PCDH11X: variants seen among roughly 807,000 people sequenced by gnomAD.
The protein encoded by PCDH11X is protocadherin 11 X-linked, also known as protocadherin-11 X-linked.
A neutral mutation model predicts 53.3 loss-of-function variants in PCDH11X; 18 were observed. The observed-to-expected ratio is 0.34, with a 90% CI of 0.23 to 0.50. The LOEUF is 0.50. Ranked by LOEUF, PCDH11X falls within the 20% of genes least tolerant of loss-of-function variation. The pLI is 0.98. For missense variants in PCDH11X, 570 were observed against 1,032.4 expected, an observed-to-expected ratio of 0.55 and a Z score of 6.14; for synonymous variants, 279 against 393.3, an observed-to-expected ratio of 0.71 and a Z score of 3.44.
At chrX:92,264,954 T>G (rs1431189371) in intron 8 of PCDH11X, among the ~76,000 whole-genome samples, 1 of 97,316 alleles carries the variant, frequency 1.0e-5, no homozygotes, top group Non-Finnish European at 2.0e-5. Context: ...GAAGAAAGAA[T>G]ATTGCAATAG....
chrX:92,158,766 G>T (rs1484828211), intron 6 of PCDH11X, among the ~76,000 whole-genome samples: 3 of 110,208 alleles, frequency 2.7e-5, no homozygotes, highest in African/African-American at 9.9e-5. Context: ...CTCCCGAGTA[G>T]CTGAGGTTAC....
intron 1 of PCDH11X, chrX:91,798,202 A>C (rs1490364065): frequency 1.8e-5 from 2 of 111,389 alleles, no homozygotes; most frequent in East Asian, 5.7e-4. Context: ...TTTTTGGAGC[A>C]GGGAGATGGA....
chrX:92,275,557 C>T (rs2068067833), intron 8 of PCDH11X, among the ~76,000 whole-genome samples: 1 of 111,089 alleles, frequency 9.0e-6, no homozygotes, highest in Non-Finnish European at 1.9e-5. Flanking sequence ...GTTTGAGATC[C>T]AGAACAGAAT....
chrX:92,054,919 A>G (rs2063426729), intron 6 of PCDH11X, among the ~76,000 whole-genome samples: 1 of 99,020 alleles, frequency 1.0e-5, no homozygotes. Flanking sequence ...CACATGTGAC[A>G]ATCGTTGAAG....
chrX:92,600,861 A>T (rs1926147295), intron 10 of PCDH11X, among the ~76,000 whole-genome samples: 2 of 101,699 alleles, frequency 2.0e-5, no homozygotes, highest in African/African-American at 7.5e-5. Context: ...AGACCACGAG[A>T]ACCCACCTCT....
intron 9 of PCDH11X, chrX:92,460,822 A>T: frequency 9.1e-7 from 1 of 1,101,092 alleles, no homozygotes; most frequent in Non-Finnish European, 1.2e-6. Flanking sequence ...GAAGATGGCG[A>T]GGACTTCACT....
At chrX:92,085,928 A>C in intron 6 of PCDH11X, among the ~76,000 whole-genome samples, 1 of 112,053 alleles carries the variant, frequency 8.9e-6, no homozygotes, top group Non-Finnish European at 1.9e-5. Flanking sequence ...ATAAGTATAT[A>C]ATACATACCA....
intron 10 of PCDH11X, among the ~76,000 whole-genome samples, chrX:92,538,075 T>C: frequency 9.7e-6 from 1 of 102,730 alleles, no homozygotes; most frequent in Middle Eastern, 5.1e-3. Flanking sequence ...TATTTATAAT[T>C]GTTATGTCTT....
At chrX:92,389,601 C>T (rs2071081815) in intron 9 of PCDH11X, among the ~76,000 whole-genome samples, 1 of 110,941 alleles carries the variant, frequency 9.0e-6, no homozygotes. Context: ...AATAAAATTC[C>T]AACTGAATGA....
At chrX:92,020,368 G>T (rs926790150) in intron 6 of PCDH11X, among the ~76,000 whole-genome samples, 1 of 112,059 alleles carries the variant, frequency 8.9e-6, no homozygotes, top group Non-Finnish European at 1.9e-5. Context: ...AGCCAGGGAG[G>T]CTGGATGGCT....
In PCDH11X at chrX:91,835,800, G is replaced by T; in HGVS notation, c.296G>T (p.Gly99Val). Reference sequence around the variant, plus strand: ...ATTGATCGTGAGAAATTATGTGCTGGTATCCCAAGGGATGAGCATTGCTTT... The same window carrying T: ...ATTGATCGTGAGAAATTATGTGCTGTTATCCCAAGGGATGAGCATTGCTTT... ...ARIDREKLCA[G>V]IPRDEHCFYE... The change falls in exon 5 of 11, where the codon GGT becomes GTT. Residue 99 changes from glycine to valine, a missense_variant. By Grantham distance (109) the Gly-to-Val change is moderately radical. Transcript: ENST00000682573. 8.3e-7 allele frequency: 1 copy of T among 1,210,971 alleles called. No individual in the cohort carries two copies. Among genetic ancestry groups the T allele is most frequent in the Admixed American group, 2.2e-5 (1 of 45,864 alleles).
At chrX:91,834,277 T>C (rs1937217192) in intron 4 of PCDH11X, among the ~76,000 whole-genome samples, 1 of 111,501 alleles carries the variant, frequency 9.0e-6, no homozygotes, top group African/African-American at 3.2e-5. Context: ...AAACTGAAGA[T>C]AAAATTTGCA....
chrX:91,833,202 T>TCACTGCCC (rs1240394829), intron 4 of PCDH11X, among the ~76,000 whole-genome samples: 2 of 108,743 alleles, frequency 1.8e-5, no homozygotes, highest in East Asian at 5.7e-4. Context: ...ATTCCAATTG[T>TCACTGCCC]CACTGCCCCA....
rs190585123 is a variant in PCDH11X at position 92,599,704 on chromosome X, C to G, written c.3368-18560C>G. 1.6e-4 allele frequency among the ~76,000 whole-genome samples: 18 copies of G among 111,349 alleles called. No homozygotes were observed. The South Asian group carries it at 6.5e-3, about 40-fold the overall frequency. ...GGCGCTGTTATTATATTAAGATACC[C>G]GAAAATGTGGAAGTGACTTTGGAAC... On this transcript the variant is annotated intron_variant, in intron 10 of 10. Transcript: ENST00000682573.
chrX:92,238,227 A>G (rs2067204929), intron 7 of PCDH11X, among the ~76,000 whole-genome samples: 1 of 111,778 alleles, frequency 8.9e-6, no homozygotes, highest in African/African-American at 3.2e-5. Context: ...TGGGGATTAT[A>G]AGACTAAAAT....
At chrX:91,897,398 G>A (rs1215915849) in intron 6 of PCDH11X, among the ~76,000 whole-genome samples, 11 of 106,659 alleles carry the variant, frequency 1.0e-4, no homozygotes, top group African/African-American at 3.1e-4. Flanking sequence ...AAGTAATTTT[G>A]ACATCAATTT....
At chrX:92,215,366 G>A (rs945321197) in intron 7 of PCDH11X, among the ~76,000 whole-genome samples, 5 of 106,902 alleles carry the variant, frequency 4.7e-5, no homozygotes, top group East Asian at 3.0e-4. Context: ...GCGCTTTTCC[G>A]ATGAGCTTAA....
chrX:92,113,844 G>A, intron 6 of PCDH11X: 5 of 1,205,306 alleles, frequency 4.1e-6, no homozygotes, highest in Non-Finnish European at 4.5e-6. Context: ...CTACCTGGGT[G>A]TTGCTGTTGA....
chrX:92,261,659 T>C (rs1476221080), intron 7 of PCDH11X, among the ~76,000 whole-genome samples: 2 of 112,435 alleles, frequency 1.8e-5, no homozygotes, highest in Non-Finnish European at 3.8e-5. Flanking sequence ...TTTGTGTTTC[T>C]ATAAAACAGA....
Sources: gnomAD v4.1 joint callset for allele counts (sites outside exome capture counted in the v4.1 genomes callset) on GRCh38, gnomAD v4.1.1 for gene constraint, MANE v1.5 for transcripts, NCBI Gene and HGNC (gene_info 2026-07-23, HGNC 2026-07-21) for gene names.